The following SLC9B1 variants were observed in gnomAD, a reference collection of about 807,000 sequenced individuals.
SLC9B1 encodes the protein sodium/hydrogen exchanger 9B1.
Under a neutral mutation model 51.7 loss-of-function variants are expected in SLC9B1, and 32 were observed. That is an observed-to-expected ratio of 0.62 (90% CI 0.47 to 0.83). The LOEUF (loss-of-function observed/expected upper bound fraction) is 0.83. Among genes scored for constraint, SLC9B1 ranks in the 40% least tolerant of loss-of-function variants. The pLI is 0.00. For synonymous variants in SLC9B1, 145 were observed against 212.7 expected (o/e 0.68, Z 2.77); for missense variants, 406 against 613.2 (o/e 0.66, Z 3.57).
At chr4:102,959,953 T>C (rs1336403848) in intron 3 of SLC9B1, among the ~76,000 whole-genome samples, 1 of 151,996 alleles carries the variant, frequency 6.6e-6, no homozygotes, top group Non-Finnish European at 1.5e-5. Context: ...AGTTTACCTA[T>C]GTTACAAACC....
intron 11 of SLC9B1, among the ~76,000 whole-genome samples, chr4:102,893,293 A>AAAAAAC: frequency 6.7e-6 from 1 of 149,768 alleles, no homozygotes; most frequent in Non-Finnish European, 1.5e-5. Context: ...AAAAAAAAAA[A>AAAAAAC]AAAAAAAAAA....
chr4:103,004,872 G>T (rs1740699565), intron 1 of SLC9B1, among the ~76,000 whole-genome samples: 1 of 152,102 alleles, frequency 6.6e-6, no homozygotes, highest in Non-Finnish European at 1.5e-5. Flanking sequence ...GATCCTTTCA[G>T]ACAAACAAAT....
intron 3 of SLC9B1, among the ~76,000 whole-genome samples, chr4:102,988,171 A>G (rs1473594874): frequency 6.6e-6 from 1 of 152,160 alleles, no homozygotes; most frequent in Non-Finnish European, 1.5e-5. Flanking sequence ...AAAGCTTCAT[A>G]AAAATATATT....
At chr4:102,962,564 T>C in intron 3 of SLC9B1, 1 of 475,746 alleles carries the variant, frequency 2.1e-6, no homozygotes, top group Non-Finnish European at 4.4e-6. Context: ...AGTGGGTGAA[T>C]GTATGTTAAT....
Position 102,920,650 on chromosome 4 carries a change from G to C in SLC9B1, c.830-9113C>G, listed in dbSNP as rs188216838. Among the ~76,000 whole-genome samples the C allele has an allele frequency of 2.9e-3, 448 of 152,192 alleles. 3 individuals carry two copies. Among genetic ancestry groups the C allele is most frequent in the Non-Finnish European group, 3.3e-3 (222 of 68,010 alleles). On this transcript the variant is annotated intron_variant, in intron 7 of 11. Transcript: ENST00000296422. ...GATGTTGGAACCCATCGCAAGGAAG[G>C]TAAAAACCTTGAAAAAAGATTAGAT... is the stretch of plus-strand genomic sequence containing the variant.
chr4:103,015,268 T>G (rs1431773375), intron 1 of SLC9B1, among the ~76,000 whole-genome samples: 1 of 147,266 alleles, frequency 6.8e-6, no homozygotes. Context: ...GTTTATAATT[T>G]GAATGTATGG....
intron 11 of SLC9B1, among the ~76,000 whole-genome samples, chr4:102,904,633 T>C (rs1578332921): frequency 6.6e-6 from 1 of 151,880 alleles, no homozygotes; most frequent in East Asian, 1.9e-4. Context: ...CACTTGAACC[T>C]AAGAGTTCAA....
intron 3 of SLC9B1, among the ~76,000 whole-genome samples, chr4:102,988,250 T>A (rs1286821111): frequency 6.6e-6 from 1 of 152,214 alleles, no homozygotes; most frequent in Admixed American, 6.6e-5. Context: ...AAATCTACTG[T>A]CCTAGACTAT....
intron 7 of SLC9B1, among the ~76,000 whole-genome samples, chr4:102,918,531 T>C (rs1047357477): frequency 1.5e-4 from 23 of 152,362 alleles, no homozygotes; most frequent in African/African-American, 5.5e-4. Flanking sequence ...CAAATGTTTA[T>C]GTTCTCCCAA....
intron 3 of SLC9B1, chr4:102,962,117 C>G: frequency 2.5e-6 from 1 of 405,694 alleles, no homozygotes; most frequent in South Asian, 2.0e-5. Flanking sequence ...GCCCTGTGAT[C>G]ACCTCAGTAG....
chr4:102,892,145 G>A (rs988520806), intron 11 of SLC9B1: 2 of 152,218 alleles, frequency 1.3e-5, no homozygotes, highest in African/African-American at 4.8e-5. Flanking sequence ...TGCAGCCTCA[G>A]CCTCTTGTGC....
At chr4:103,016,032 G>A (rs1185096141) in intron 1 of SLC9B1, among the ~76,000 whole-genome samples, 1 of 147,982 alleles carries the variant, frequency 6.8e-6, no homozygotes, top group African/African-American at 2.5e-5. Context: ...TACTCAGGAA[G>A]CTGAGGCAGG....
At chr4:102,993,279 A>G (rs61329414) in intron 1 of SLC9B1, among the ~76,000 whole-genome samples, 1 of 152,168 alleles carries the variant, frequency 6.6e-6, no homozygotes, top group African/African-American at 2.4e-5. Flanking sequence ...TCCTAGGTAC[A>G]ATGAGGGTAC....
At chr4:102,914,026 T>C (rs1735469949) in intron 7 of SLC9B1, among the ~76,000 whole-genome samples, 1 of 152,016 alleles carries the variant, frequency 6.6e-6, no homozygotes, top group Admixed American at 6.6e-5. Context: ...GTTTTATTAT[T>C]ACTAAAATCA....
intron 11 of SLC9B1, among the ~76,000 whole-genome samples, chr4:102,902,338 A>G (rs1039751532): frequency 1.1e-4 from 17 of 152,208 alleles, no homozygotes; most frequent in Non-Finnish European, 4.4e-5. Flanking sequence ...CCCTCAATTT[A>G]AGATCAATTT....
At chr4:102,927,587 G>A (rs565794078) in intron 7 of SLC9B1, among the ~76,000 whole-genome samples, 2 of 152,322 alleles carry the variant, frequency 1.3e-5, no homozygotes, top group South Asian at 2.1e-4. Context: ...AGATGCTGGA[G>A]AGCATATGGA....
chr4:103,002,482 T>A (rs915209388), intron 1 of SLC9B1, among the ~76,000 whole-genome samples: 3 of 152,234 alleles, frequency 2.0e-5, no homozygotes, highest in Non-Finnish European at 4.4e-5. Context: ...GATTAAATGA[T>A]CTACCAAGAA....
chr4:102,914,927 T>C (rs9307280), intron 7 of SLC9B1, among the ~76,000 whole-genome samples: 82,211 of 151,504 alleles, frequency 0.54, 22,783 homozygotes, highest in African/African-American at 0.68. Flanking sequence ...AGACCTACAA[T>C]GAGACACATT....
At chr4:102,993,628 G>A (rs1393312195) in intron 1 of SLC9B1, among the ~76,000 whole-genome samples, 1 of 152,188 alleles carries the variant, frequency 6.6e-6, no homozygotes, top group African/African-American at 2.4e-5. Context: ...GTGCCCCAGT[G>A]GGGACTCTGT....
Sources: allele counts gnomAD v4.1 joint callset (sites outside exome capture counted in the v4.1 genomes callset), GRCh38; gene constraint gnomAD v4.1.1; transcripts MANE v1.5; gene names NCBI Gene and HGNC (gene_info 2026-07-23, HGNC 2026-07-21).